HMCN2: variants seen among roughly 807,000 people sequenced by gnomAD.
HMCN2 encodes hemicentin 2.
A neutral mutation model predicts 377.5 loss-of-function variants in HMCN2; 325 were observed. That is an observed-to-expected ratio of 0.86 (90% CI 0.79 to 0.94). The LOEUF (loss-of-function observed/expected upper bound fraction) is 0.94, where lower values mean the gene tolerates loss of function less well. HMCN2 is among the 40% of genes least tolerant of loss of function. The pLI, the probability that HMCN2 is intolerant of heterozygous loss-of-function variation, is 0.00. For synonymous variants in HMCN2, 2,007 were observed against 2,046.8 expected (o/e 0.98, Z 0.53); for missense variants, 4,543 against 4,725.3 (o/e 0.96, Z 1.13).
At chr9:130,386,662 C>T (rs1251437272) in intron 61 of HMCN2, 138 bp downstream of exon 61, 4 of 391,002 alleles carry the variant, frequency 1.0e-5, no homozygotes, top group Non-Finnish European at 1.8e-5. Flanking sequence ...AATTTGTGTA[C>T]CTATCTATAT....
intron 95 of HMCN2, 95 bp from the exon 96 acceptor site, chr9:130,431,272 C>G: frequency 7.9e-7 from 1 of 1,271,266 alleles, no homozygotes; most frequent in Non-Finnish European, 1.1e-6. Context: ...AGCTCCAGAG[C>G]CCAGCGGGCA....
rs1374013837 is a variant in HMCN2, at chr9:130,425,088, CGTT to C, written c.13602_13604del (p.Val4535del). 3 of 1,549,844 alleles carry C rather than the reference CGTT, an allele frequency of 1.9e-6. No homozygotes were observed. In the African/African-American group the frequency reaches 4.1e-5, roughly 21 times the overall value. On this transcript the variant is annotated inframe_deletion, in exon 89 of 98. Coordinates refer to ENST00000683500, the MANE Select transcript of HMCN2 (RefSeq NM_001291815.2). ...TGCTCCTCGACGTGGTGGTCAATGG[CGTT>C]GTCCCCGAGAGCCTGGCTGACGCAG...
At chr9:130,277,912 A>T (rs1398607992) in intron 1 of HMCN2, among the ~76,000 whole-genome samples, 1 of 33,358 alleles carries the variant, frequency 3.0e-5, no homozygotes, top group Non-Finnish European at 5.0e-5. Flanking sequence ...CATCATCACC[A>T]CCACCACCAT....
intron 61 of HMCN2, 46 bp downstream of exon 61, chr9:130,386,570 C>G: frequency 8.1e-7 from 1 of 1,228,312 alleles, no homozygotes; most frequent in East Asian, 5.7e-5. Context: ...GAGCCCCTAG[C>G]AACACCCAGG....
chr9:130,283,192 C>T (rs964251459), intron 1 of HMCN2, among the ~76,000 whole-genome samples: 4 of 152,062 alleles, frequency 2.6e-5, no homozygotes, highest in African/African-American at 4.8e-5. Flanking sequence ...TCAGGATCCC[C>T]GGAACGCCAG....
intron 25 of HMCN2, among the ~76,000 whole-genome samples, chr9:130,345,746 G>A (rs1839360488): frequency 6.6e-6 from 1 of 151,952 alleles, no homozygotes; most frequent in South Asian, 2.1e-4. Flanking sequence ...CGGGCACAGG[G>A]GGATTCAGTA....
At chr9:130,382,345 G>T (rs1057476645) in intron 55 of HMCN2, 48 bp downstream of exon 55, 1 of 878,876 alleles carries the variant, frequency 1.1e-6, no homozygotes, top group Admixed American at 6.2e-5. Flanking sequence ...TGCAAGCGCC[G>T]TAAGGGCCTC....
chr9:130,297,959 G>T (rs1039926500), intron 7 of HMCN2, among the ~76,000 whole-genome samples: 3 of 152,104 alleles, frequency 2.0e-5, no homozygotes, highest in Non-Finnish European at 4.4e-5. Flanking sequence ...GTATATCCAA[G>T]ATAATTTTTT....
intron 19 of HMCN2, among the ~76,000 whole-genome samples, chr9:130,322,614 C>T (rs1014346564): frequency 3.9e-5 from 6 of 152,174 alleles, no homozygotes; most frequent in South Asian, 2.1e-4. Flanking sequence ...CCCCACACCC[C>T]GGGTATGAAC....
intron 28 of HMCN2, 73 bp downstream of exon 28, chr9:130,349,204 G>T (rs1839560540): frequency 7.9e-7 from 1 of 1,257,922 alleles, no homozygotes; most frequent in African/African-American, 1.5e-5. Flanking sequence ...AGGCACACCG[G>T]GGGAGAGGGT....
At chr9:130,403,714 C>A (rs923133477) in intron 79 of HMCN2, 27 bp from the exon 80 acceptor site, 12 of 1,286,232 alleles carry the variant, frequency 9.3e-6, no homozygotes, top group South Asian at 8.7e-5. Context: ...AGTTCCCAGG[C>A]CCCCGATTTT....
chr9:130,388,392 T>G lies in HMCN2; in HGVS notation c.9392-17T>G. On this transcript the variant is annotated splice_polypyrimidine_tract_variant and intron_variant, in intron 61 of 97. Coordinates refer to ENST00000683500, the MANE Select transcript of HMCN2 (RefSeq NM_001291815.2). ...GAAGAGTCTCAGAATTCTGACAGTC[T>G]GGCTTTCTTCCTGCAGTGCCCCCAA... The G allele has an allele frequency of 1.0e-6, 1 of 987,946 alleles. No homozygotes were observed. The highest frequency in any genetic ancestry group is 1.2e-6 in the Non-Finnish European group (1 of 830,052). 61.2% of individuals were successfully genotyped at this position (987,946 alleles called of 1,614,324 possible). A position where few individuals can be genotyped will look rare whatever the true frequency, so the allele number is the denominator to read the frequency against.
Position 130,432,444 on chromosome 9 carries a change from A to T in HMCN2, c.14783A>T (p.Glu4928Val). 1.3e-6 allele frequency: 2 copies of T among 1,550,986 alleles called. No individual in the cohort carries two copies. The highest frequency in any genetic ancestry group is 2.4e-5 in the South Asian group (2 of 84,044). Residue 4928 changes from glutamate to valine, a missense_variant, in exon 97 of 98, where the codon GAG (glutamate) becomes GTG (valine). By Grantham distance (121) the Glu-to-Val change is moderately radical (BLOSUM62 -2). This residue lies in a region of HMCN2 where 1,155 missense variants were observed against 1,157.7 expected (regional missense o/e 1.00). Transcript: ENST00000683500. The part of the protein sequence containing the change: ...GKNCQDINEC[E>V]EESIECGPGQ... ...CCCCATCCAGACATCAACGAGTGCG[A>T]GGAGGAGAGCATCGAGTGTGGACCC...
Position 130,356,235 on chromosome 9 carries a change from C to T in HMCN2, c.5403C>T (p.Ala1801=), listed in dbSNP as rs529702916. ...QATNEAGTAG[A]EVEVSVHEFP... ...CCAATGAGGCGGGCACTGCCGGGGC[C>T]GAGGTGGAGGTGTCTGTGCATGGTG... Residue 1801 remains alanine, a synonymous_variant, in exon 34 of 98, where the codon GCC becomes GCT. Coordinates refer to ENST00000683500, the MANE Select transcript of HMCN2 (RefSeq NM_001291815.2). 2.2e-5 allele frequency: 29 copies of T among 1,300,590 alleles called. No homozygotes were observed. The highest frequency in any genetic ancestry group is 4.5e-4 in the Middle Eastern group (2 of 4,404). The allele number at this position is 1,300,590 out of a possible 1,614,324, so 80.6% of individuals were successfully genotyped here. A position where few individuals can be genotyped will look rare whatever the true frequency, so the allele number is the denominator to read the frequency against.
At chr9:130,363,841 A>T (rs11243580) in intron 40 of HMCN2, among the ~76,000 whole-genome samples, 1 of 150,094 alleles carries the variant, frequency 6.7e-6, no homozygotes, top group Non-Finnish European at 1.5e-5. Flanking sequence ...AAAAGAAAGA[A>T]AGAGAGAAAA....
intron 73 of HMCN2, among the ~76,000 whole-genome samples, chr9:130,396,817 C>T (rs1167410503): frequency 2.0e-5 from 3 of 152,222 alleles, no homozygotes; most frequent in South Asian, 2.1e-4. Flanking sequence ...TTGCACAGTA[C>T]AGACATGGCC....
rs541156706 is a variant in HMCN2, at chr9:130,369,861, G to A, written c.7069+10G>A. On this transcript the variant is annotated intron_variant, in intron 45 of 97. Coordinates refer to ENST00000683500, the MANE Select transcript of HMCN2 (RefSeq NM_001291815.2). This position sits in a 1 kb window ranked among gnomAD's most constrained non-coding sequence, Gnocchi z 4.5. ...GAGCTCTCCGTACTGGGTGAGGACC[G>A]GCAGCTGCTGGAGGAGTTGGGCTGG... 3.0e-5 allele frequency: 30 copies of A among 986,014 alleles called. No homozygotes were observed. The highest frequency in any genetic ancestry group is 1.1e-4 in the East Asian group (1 of 8,830). 61.1% of individuals were successfully genotyped at this position (986,014 alleles called of 1,614,324 possible).
At chr9:130,352,205 T>A (rs978473878) in intron 30 of HMCN2, among the ~76,000 whole-genome samples, 2 of 152,234 alleles carry the variant, frequency 1.3e-5, no homozygotes, top group African/African-American at 4.8e-5. Flanking sequence ...TATTTAAATA[T>A]CCCTTATTCT....
At position 130,405,971 on chromosome 9, in the gene HMCN2, C is replaced by T. The variant is rs768746361; in HGVS notation, c.12356C>T (p.Thr4119Ile). ...VKNLEGQDAGTYTCTAENAVG... is the reference protein window; with the variant it reads ...VKNLEGQDAGIYTCTAENAVG... ...TGCTCACAGGGCCAGGACGCAGGCA[C>T]CTATACCTGTACCGCTGAGAACGCC... is the stretch of plus-strand genomic sequence containing the variant. Residue 4119 changes from threonine to isoleucine, a missense_variant, in exon 82 of 98, where the codon ACC becomes ATC. Thr to Ile is a moderately conservative substitution (Grantham distance 89, BLOSUM62 -1). Around this residue, in one of 5 missense-constraint regions of HMCN2, gnomAD observed 1,073 missense variants for 1,319.5 expected, o/e 0.81. Transcript: ENST00000683500. 1.0e-4 allele frequency: 130 copies of T among 1,289,324 alleles called. No individual in the cohort carries two copies. The African/African-American group carries it at 1.7e-3, about 17-fold the overall frequency. The allele number at this position is 1,289,324 out of a possible 1,614,324, so 79.9% of individuals were successfully genotyped here.
Sources: allele counts gnomAD v4.1 joint callset (sites outside exome capture counted in the v4.1 genomes callset), GRCh38; gene constraint gnomAD v4.1.1; regional missense constraint gnomAD v4.1.1; non-coding constraint Gnocchi (gnomAD v3.1); transcripts MANE v1.5; gene names NCBI Gene and HGNC (gene_info 2026-07-23, HGNC 2026-07-21).